Variants in ORC2 observed in about 807,000 individuals in gnomAD.
ORC2 encodes the protein origin recognition complex subunit 2.
ORC2 carries 37 observed loss-of-function variants against 77.7 expected under a neutral mutation model. The ratio of observed to expected loss-of-function variants is 0.48; its 90% CI spans 0.37 to 0.63. The LOEUF (loss-of-function observed/expected upper bound fraction) is 0.63, where lower values mean the gene tolerates loss of function less well. Among genes scored for constraint, ORC2 ranks in the 20% least tolerant of loss-of-function variants. The pLI, the probability that ORC2 is intolerant of heterozygous loss-of-function variation, is 0.00. For missense variants in ORC2, 557 were observed against 661.9 expected (o/e 0.84, Z 1.74); for synonymous variants, 201 against 229.5 (o/e 0.88, Z 1.12).
chr2:200,913,815 A>G, intron 16 of ORC2, 116 bp downstream of exon 16: 1 of 1,444,958 alleles, frequency 6.9e-7, no homozygotes. Flanking sequence ...ACCCATCATG[A>G]GTGACCACTT....
intron 4 of ORC2, among the ~76,000 whole-genome samples, chr2:200,953,668 C>G (rs2041408195): frequency 6.6e-6 from 1 of 152,112 alleles, no homozygotes; most frequent in Non-Finnish European, 1.5e-5. Flanking sequence ...TCGCAATACC[C>G]AAAAGGTTGA....
intron 15 of ORC2, among the ~76,000 whole-genome samples, chr2:200,919,248 G>C (rs2124940575): frequency 6.6e-6 from 1 of 152,250 alleles, no homozygotes. Flanking sequence ...TCTCAGCAAG[G>C]TTTGTTATTT....
intron 1 of ORC2, among the ~76,000 whole-genome samples, chr2:200,962,023 A>G (rs2041583847): frequency 6.6e-6 from 1 of 152,256 alleles, no homozygotes; most frequent in Non-Finnish European, 1.5e-5. Context: ...GGAGAGAGGC[A>G]GCCTGAGACT....
At chr2:200,958,420 AACAAT>A (rs2125038999) in intron 2 of ORC2, among the ~76,000 whole-genome samples, 1 of 152,316 alleles carries the variant, frequency 6.6e-6, no homozygotes, top group South Asian at 2.1e-4. Flanking sequence ...TTCTCAGAAA[AACAAT>A]TTTAAGTTTT....
At chr2:200,924,295 T>C (rs1035593454) in intron 13 of ORC2, among the ~76,000 whole-genome samples, 7 of 151,882 alleles carry the variant, frequency 4.6e-5, no homozygotes, top group Non-Finnish European at 7.4e-5. Context: ...TGTAGTGAGC[T>C]GTGTTTGTGC....
chr2:200,915,969 A>T (rs371400223), intron 15 of ORC2, among the ~76,000 whole-genome samples: 1 of 152,276 alleles, frequency 6.6e-6, no homozygotes. Flanking sequence ...TGCTAGGATT[A>T]TAGGAGTGAG....
chr2:200,949,779 T>C (rs570575992), intron 4 of ORC2, 136 bp from the exon 5 acceptor site: 116 of 463,812 alleles, frequency 2.5e-4, no homozygotes, highest in South Asian at 1.4e-3. Flanking sequence ...TATAAAATAT[T>C]TGGAAATACA....
In ORC2 at chr2:200,921,082, C is replaced by T. The variant is rs775261860; in HGVS notation, c.1205G>A (p.Gly402Glu). 5.6e-6 allele frequency: 9 copies of T among 1,609,684 alleles called. No individual in the cohort carries two copies. In the South Asian group the frequency reaches 8.8e-5, roughly 16 times the overall value. The change falls in exon 14 of 18, where the codon GGA (glycine) becomes GAA (glutamate). Residue 402 changes from glycine (G) to glutamate (E), a missense_variant. Physicochemically the swap from Gly to Glu is moderately conservative, Grantham distance 98. Transcript: ENST00000234296. ...IHNLDSQMLR[G>E]EKSQQIIGQL... The stretch of plus-strand genomic sequence containing the variant: ...ACCAATGATTTGCTGGCTCTTCTCT[C>T]CTCTCAACATCTGGCTATCCAAATT...
chr2:200,945,674 A>C (rs1310743796), intron 5 of ORC2, among the ~76,000 whole-genome samples: 2 of 152,232 alleles, frequency 1.3e-5, no homozygotes, highest in Non-Finnish European at 2.9e-5. Context: ...TTTACACAAT[A>C]AACTGGTCTC....
At chr2:200,924,758 T>G (rs2040815638) in intron 13 of ORC2, among the ~76,000 whole-genome samples, 2 of 152,036 alleles carry the variant, frequency 1.3e-5, no homozygotes, top group South Asian at 4.1e-4. Context: ...AAATAATGTT[T>G]TATTTATTTA....
At chr2:200,928,892 G>A (rs962182131) in intron 11 of ORC2, among the ~76,000 whole-genome samples, 6 of 152,028 alleles carry the variant, frequency 3.9e-5, no homozygotes, top group Admixed American at 6.6e-5. Flanking sequence ...AAATTGAAAA[G>A]AGGTCAAGTA....
Position 200,911,282 on chromosome 2 carries a change from T to G in ORC2, c.*19A>C. The G allele has an allele frequency of 1.3e-6, 2 of 1,505,404 alleles. No homozygotes were observed. The highest frequency in any genetic ancestry group is 1.4e-5 in the African/African-American group (1 of 72,868). 93.3% of individuals were successfully genotyped at this position (1,505,404 alleles called of 1,614,324 possible). On this transcript the variant is annotated 3_prime_UTR_variant, in exon 18 of 18. Coordinates refer to ENST00000234296, the MANE Select transcript of ORC2 (RefSeq NM_006190.5). ...GGGGTACAACCCTTCCATGGGAGATTCAAGAATAAAGGAAAGCTTCAAGCC... is the reference window on the plus strand; with the variant it reads ...GGGGTACAACCCTTCCATGGGAGATGCAAGAATAAAGGAAAGCTTCAAGCC...
Position 200,941,253 on chromosome 2 carries a change from G to C in ORC2, c.448C>G (p.Pro150Ala). 6.2e-7 allele frequency: 1 copy of C among 1,609,412 alleles called. No homozygotes were observed. The highest frequency in any genetic ancestry group is 2.2e-5 in the East Asian group (1 of 44,824). Residue 150 changes from proline (P) to alanine (A), a missense_variant, in exon 7 of 18, where the codon CCG becomes GCG. Physicochemically the swap from Pro to Ala is conservative, Grantham distance 27 (BLOSUM62 -1). Transcript: ENST00000234296. ...CTTTTTAGTCAATTGCTTACCTTCG[G>C]TTGAACCTTGTCTGAAGCAGAATGG... ...KGHSASDKVQ[P>A]KNNDKSEFLS... is the part of the protein sequence containing the mutation.
intron 14 of ORC2, 22 bp from the exon 15 acceptor site, chr2:200,920,415 C>G (rs551610714): frequency 2.7e-6 from 4 of 1,461,232 alleles, no homozygotes; most frequent in East Asian, 2.3e-5. Flanking sequence ...TCAAAGAAAA[C>G]AAGAATTACA....
At chr2:200,928,390 C>T (rs4622700) in intron 11 of ORC2, among the ~76,000 whole-genome samples, 32,770 of 151,888 alleles carry the variant, frequency 0.22, 4,382 homozygotes, top group African/African-American at 0.37. Context: ...CAAACCCATA[C>T]AAGGTAAAGG....
intron 15 of ORC2, among the ~76,000 whole-genome samples, chr2:200,915,848 C>A (rs1378640259): frequency 1.3e-5 from 2 of 152,044 alleles, no homozygotes; most frequent in South Asian, 2.1e-4. Flanking sequence ...TGGACACCAC[C>A]ACGCCCAGCT....
chr2:200,935,681 GTC>G lies in ORC2; in HGVS notation c.708+16_708+17del. On this transcript the variant is annotated intron_variant, in intron 9 of 17. Coordinates refer to ENST00000234296, the MANE Select transcript of ORC2 (RefSeq NM_006190.5). ...TACACAATTTTTCTTTAAGGTTAAAGTCTCTCTCTTCACTTACTGTTTTATCT... is the reference window on the plus strand; with the variant it reads ...TACACAATTTTTCTTTAAGGTTAAAGTCTCTCTTCACTTACTGTTTTATCT... 6.4e-7 allele frequency: 1 copy of G among 1,552,504 alleles called. No individual in the cohort carries two copies. Among genetic ancestry groups the G allele is most frequent in the Non-Finnish European group, 8.7e-7 (1 of 1,147,076 alleles).
rs2040941704 is a variant in ORC2, at chr2:200,931,572, T to G, written c.808-124A>C. The G allele has an allele frequency of 1.6e-5, 8 of 505,756 alleles. No individual in the cohort carries two copies. In the East Asian group the frequency reaches 2.8e-4, roughly 18 times the overall value. 31.3% of individuals were successfully genotyped at this position (505,756 alleles called of 1,614,324 possible). A position where few individuals can be genotyped will look rare whatever the true frequency, so the allele number is the denominator to read the frequency against. ...ATCCAATTGGAATATTACTTTAATC[T>G]GGTTTGGCAATGAGTATATCAACCG... On this transcript the variant is annotated intron_variant, in intron 10 of 17. Coordinates refer to ENST00000234296, the MANE Select transcript of ORC2 (RefSeq NM_006190.5).
chr2:200,924,940 T>A (rs546499930), intron 13 of ORC2, among the ~76,000 whole-genome samples: 136 of 152,032 alleles, frequency 8.9e-4, no homozygotes, highest in African/African-American at 3.2e-3. Flanking sequence ...TTTGTATTTT[T>A]GTAGAGATGG....
Sources: allele counts gnomAD v4.1 joint callset (sites outside exome capture counted in the v4.1 genomes callset), GRCh38; gene constraint gnomAD v4.1.1; transcripts MANE v1.5; gene names NCBI Gene and HGNC (gene_info 2026-07-23, HGNC 2026-07-21).